Variants in CCDC102B observed in about 807,000 individuals in gnomAD.
CCDC102B encodes the protein coiled-coil domain-containing protein 102B.
CCDC102B carries 75 observed loss-of-function variants against 57.4 expected under a neutral mutation model. That is an observed-to-expected ratio of 1.31 (90% CI 1.08 to 1.58). The LOEUF (loss-of-function observed/expected upper bound fraction) is 1.58, where lower values mean the gene tolerates loss of function less well. Ranked by LOEUF, CCDC102B falls within the 40% of genes most tolerant of loss-of-function variation. CCDC102B has a pLI of 0.00. For missense variants in CCDC102B, 636 were observed against 582.6 expected (o/e 1.09, Z -0.94); for synonymous variants, 206 against 201.9 (o/e 1.02, Z -0.17).
At chr18:68,906,748 A>G (rs1457344974) in intron 6 of CCDC102B, among the ~76,000 whole-genome samples, 2 of 152,004 alleles carry the variant, frequency 1.3e-5, no homozygotes, top group Non-Finnish European at 2.9e-5. Context: ...ACTCATATGT[A>G]TGAAATGCAA....
chr18:68,790,392 A>G (rs2035401450), intron 2 of CCDC102B, among the ~76,000 whole-genome samples: 1 of 151,880 alleles, frequency 6.6e-6, no homozygotes, highest in Admixed American at 6.6e-5. Context: ...TGTTTACCTA[A>G]GCAAGCCTGG....
chr18:68,986,773 T>C (rs965205430), intron 6 of CCDC102B, among the ~76,000 whole-genome samples: 1 of 151,986 alleles, frequency 6.6e-6, no homozygotes, highest in African/African-American at 2.4e-5. Flanking sequence ...GGCATTTCTA[T>C]ACACATTCAA....
intron 6 of CCDC102B, among the ~76,000 whole-genome samples, chr18:68,997,901 G>C (rs1411901267): frequency 6.6e-6 from 1 of 151,910 alleles, no homozygotes; most frequent in African/African-American, 2.4e-5. Context: ...CTCTTTGAAT[G>C]CTATTTTTTC....
At chr18:68,967,875 A>AT (rs1177464703) in intron 6 of CCDC102B, among the ~76,000 whole-genome samples, 1 of 152,098 alleles carries the variant, frequency 6.6e-6, no homozygotes, top group African/African-American at 2.4e-5. Flanking sequence ...AGAGGGAGTC[A>AT]TTTTTTGTAT....
At chr18:69,043,000 C>T (rs546193051) in intron 7 of CCDC102B, among the ~76,000 whole-genome samples, 2 of 152,190 alleles carry the variant, frequency 1.3e-5, no homozygotes, top group Admixed American at 1.3e-4. Context: ...AGGATCCCGC[C>T]AGCCTCTGAG....
At chr18:68,959,391 C>T (rs554197427) in intron 6 of CCDC102B, among the ~76,000 whole-genome samples, 4 of 152,106 alleles carry the variant, frequency 2.6e-5, no homozygotes, top group Non-Finnish European at 4.4e-5. Context: ...CTTGGAGCTG[C>T]AGGTGGGGTA....
At chr18:68,944,587 C>T (rs934340541) in intron 6 of CCDC102B, among the ~76,000 whole-genome samples, 3 of 151,906 alleles carry the variant, frequency 2.0e-5, no homozygotes, top group Non-Finnish European at 1.5e-5. Context: ...GCAAAGCTCT[C>T]ATGACCTCAT....
intron 6 of CCDC102B, among the ~76,000 whole-genome samples, chr18:68,971,980 A>T (rs572951986): frequency 6.6e-6 from 1 of 152,176 alleles, no homozygotes; most frequent in South Asian, 2.1e-4. Flanking sequence ...ACTCCTGTAA[A>T]TACACCTGGT....
At chr18:68,828,641 C>T (rs1187015624) in intron 1 of CCDC102B, among the ~76,000 whole-genome samples, 1 of 151,116 alleles carries the variant, frequency 6.6e-6, no homozygotes, top group Non-Finnish European at 1.5e-5. Context: ...GGTAATCAAG[C>T]CAATAATCTA....
At chr18:68,986,307 A>G (rs9962969) in intron 6 of CCDC102B, among the ~76,000 whole-genome samples, 8 of 152,154 alleles carry the variant, frequency 5.3e-5, no homozygotes, top group Non-Finnish European at 1.2e-4. Flanking sequence ...GATTAAGTAG[A>G]CTTTATTCCT....
intron 6 of CCDC102B, among the ~76,000 whole-genome samples, chr18:68,931,839 G>A (rs1255254422): frequency 5.9e-5 from 9 of 151,926 alleles, no homozygotes; most frequent in Admixed American, 5.9e-4. Flanking sequence ...ATAGCTAGTT[G>A]TAAGGGAGGC....
intron 6 of CCDC102B, among the ~76,000 whole-genome samples, chr18:68,936,180 G>T (rs78169110): frequency 0.024 from 3,558 of 151,024 alleles, 67 homozygotes; most frequent in Non-Finnish European, 0.035. Flanking sequence ...CCATTCCCAA[G>T]ATATCTCATT....
At chr18:68,774,068 G>T (rs938392932) in intron 2 of CCDC102B, among the ~76,000 whole-genome samples, 1 of 151,740 alleles carries the variant, frequency 6.6e-6, no homozygotes, top group Non-Finnish European at 1.5e-5. Context: ...TAAAAATTAG[G>T]CAGGTGGTTT....
intron 6 of CCDC102B, among the ~76,000 whole-genome samples, chr18:68,956,332 T>TATATATATAAA (rs1555732870): frequency 1.8e-5 from 1 of 54,980 alleles, no homozygotes; most frequent in African/African-American, 9.1e-5. Flanking sequence ...TTATATATAT[T>TATATATATAAA]ATATATAATA....
intron 6 of CCDC102B, among the ~76,000 whole-genome samples, chr18:69,000,931 A>C (rs2051184364): frequency 6.6e-6 from 1 of 152,154 alleles, no homozygotes; most frequent in Non-Finnish European, 1.5e-5. Flanking sequence ...TTGGTGATAC[A>C]TACAGATATA....
chr18:68,898,524 T>C (rs1343222453), intron 6 of CCDC102B, among the ~76,000 whole-genome samples: 1 of 152,130 alleles, frequency 6.6e-6, no homozygotes, highest in East Asian at 1.9e-4. Flanking sequence ...CACTGATAAA[T>C]CTGTAGACAT....
intron 6 of CCDC102B, among the ~76,000 whole-genome samples, chr18:68,910,181 T>A (rs1376999324): frequency 6.6e-6 from 1 of 152,150 alleles, no homozygotes; most frequent in Non-Finnish European, 1.5e-5. Flanking sequence ...AAATCCTAGC[T>A]ACTTCAGAGG....
intron 6 of CCDC102B, among the ~76,000 whole-genome samples, chr18:68,945,869 C>A (rs565195073): frequency 3.8e-4 from 58 of 152,180 alleles, no homozygotes; most frequent in Non-Finnish European, 6.9e-4. Flanking sequence ...GTTGACCTTG[C>A]ACACTACTGG....
At chr18:68,761,801 T>C (rs1378711961) in intron 2 of CCDC102B, among the ~76,000 whole-genome samples, 2 of 152,132 alleles carry the variant, frequency 1.3e-5, no homozygotes, top group Non-Finnish European at 2.9e-5. Flanking sequence ...GTTTAGTTCA[T>C]TTACGTTTAT....
Sources: allele counts gnomAD v4.1 joint callset (sites outside exome capture counted in the v4.1 genomes callset), GRCh38; gene constraint gnomAD v4.1.1; transcripts MANE v1.5; gene names NCBI Gene and HGNC (gene_info 2026-07-23, HGNC 2026-07-21).